DNAH5: variants seen among roughly 807,000 people sequenced by gnomAD.
DNAH5 encodes dynein axonemal heavy chain 5.
In DNAH5, 372 loss-of-function variants were observed where a neutral mutation model predicts 518.2. That is an observed-to-expected ratio of 0.72 (90% CI 0.66 to 0.78). DNAH5 has a LOEUF of 0.78. Among genes scored for constraint, DNAH5 ranks in the 30% least tolerant of loss-of-function variants. The probability of loss-of-function intolerance (pLI) is 0.00; values close to 1 mark genes in which losing one functional copy is unlikely to be tolerated. For missense variants in DNAH5, 5,523 were observed against 5,687.0 expected, an observed-to-expected ratio of 0.97 and a Z score of 0.93; for synonymous variants, 2,039 against 2,025.9, an observed-to-expected ratio of 1.01 and a Z score of -0.17.
chr5:13,793,641 T>G lies in DNAH5; in HGVS notation c.8098A>C (p.Ile2700Leu). 1 of 1,614,198 alleles carries G rather than the reference T, an allele frequency of 6.2e-7. No homozygotes were observed. Among genetic ancestry groups the G allele is most frequent in the Non-Finnish European group, 8.5e-7 (1 of 1,180,028 alleles). ...TGGATCATGGCTGCCAAAAACTGGA[T>G]GTCCACGATGCTGGTGAACTCCCCA... ...KPGEFTSIVD[I>L]QFLAAMIHPG... Residue 2700 changes from isoleucine (I) to leucine (L), a missense_variant, in exon 49 of 79, where the codon ATC becomes CTC. By Grantham distance (5) the Ile-to-Leu change is conservative. Transcript: ENST00000265104.
At chr5:13,932,813 A>G (rs1004481696) in intron 1 of DNAH5, among the ~76,000 whole-genome samples, 3 of 152,234 alleles carry the variant, frequency 2.0e-5, no homozygotes, top group African/African-American at 4.8e-5. Flanking sequence ...CAACACAATC[A>G]TAAGTTCAGC....
Position 13,752,278 on chromosome 5 carries a change from T to C in DNAH5, c.10884A>G (p.Leu3628=). 6.2e-7 allele frequency: 1 copy of C among 1,614,054 alleles called. No individual in the cohort carries two copies. Among genetic ancestry groups the C allele is most frequent in the Non-Finnish European group, 8.5e-7 (1 of 1,179,926 alleles). ...GGTGGTTTCTGAAGTACTTGTGATT[T>C]AAAGACGTGATCTAGGAACAGGATC... ...ESRNELQITS[L]NHKYFRNHLE... is the part of the protein sequence containing the mutation. Residue 3628 remains leucine, a synonymous_variant, in exon 64 of 79, where the codon TTA becomes TTG. Coordinates refer to ENST00000265104, the MANE Select transcript of DNAH5 (RefSeq NM_001369.3).
At chr5:13,820,841 A>AAAAAG (rs1198738015) in intron 40 of DNAH5, among the ~76,000 whole-genome samples, 1,462 of 137,550 alleles carry the variant, frequency 0.011, 63 homozygotes, top group African/African-American at 0.032. Flanking sequence ...AAAAAAAAAA[A>AAAAAG]AAACACATCA....
chr5:14,006,036 A>G (rs1784702565), intron 1 of DNAH5, among the ~76,000 whole-genome samples: 1 of 130,734 alleles, frequency 7.6e-6, no homozygotes, highest in South Asian at 2.8e-4. Context: ...GCAGACCCAC[A>G]CCTTTTGTCT....
intron 15 of DNAH5, among the ~76,000 whole-genome samples, chr5:13,895,358 T>C (rs151139544): frequency 6.6e-6 from 1 of 152,280 alleles, no homozygotes; most frequent in African/African-American, 2.4e-5. Context: ...AGACTAACAG[T>C]GTCTCACCTC....
At chr5:13,951,509 C>A (rs1358214820) in intron 1 of DNAH5, among the ~76,000 whole-genome samples, 3 of 152,276 alleles carry the variant, frequency 2.0e-5, no homozygotes, top group South Asian at 4.1e-4. Context: ...CGTGAGCCAC[C>A]ATGCCTGGCC....
In DNAH5 at chr5:13,829,573, G is replaced by A. The variant is rs767344710; in HGVS notation, c.6381C>T (p.Asn2127=). 1.5e-5 allele frequency: 24 copies of A among 1,613,964 alleles called. No individual in the cohort carries two copies. Among genetic ancestry groups the A allele is most frequent in the South Asian group, 3.3e-5 (3 of 91,090 alleles). ...TGAAAAACTTCCTGGCCAAAACAAC[G>A]TTGTCAATGAAGCCACAACTAGCCA... The part of the protein sequence containing the change: ...VKLASCGFID[N]VVLARKFFTL... The change falls in exon 38 of 79, where the codon AAC becomes AAT. Residue 2127 remains asparagine, a synonymous_variant. Transcript: ENST00000265104.
At position 13,996,984 on chromosome 5, in the gene DNAH5, C is replaced by T. The variant is rs564689326; in HGVS notation, c.12+14664G>A. Among the ~76,000 whole-genome samples, 14 of 152,340 alleles carry T rather than the reference C, an allele frequency of 9.2e-5. No individual in the cohort carries two copies. In the South Asian group the frequency reaches 2.9e-3, roughly 32 times the overall value. On this transcript the variant is annotated intron_variant, in intron 1 of 78. Coordinates refer to the DNAH5 transcript ENST00000681290. ...GCAGTTCTCTGCCCAGACTCCAACA[C>T]TCTCCAGGGCATCCTTTGAAATCTA...
intron 47 of DNAH5, among the ~76,000 whole-genome samples, chr5:13,806,887 G>T (rs1759692997): frequency 6.6e-6 from 1 of 152,042 alleles, no homozygotes; most frequent in African/African-American, 2.4e-5. Context: ...CATATCTAAG[G>T]GTCTAAGATT....
rs1744033223 is a variant in DNAH5, at chr5:13,714,532, A to G, written c.12998T>C (p.Leu4333Pro). The G allele has an allele frequency of 6.2e-7, 1 of 1,614,064 alleles. No individual in the cohort carries two copies. Among genetic ancestry groups the G allele is most frequent in the African/African-American group, 1.3e-5 (1 of 74,932 alleles). ...TYQSKLAKDVLDTILGIQPKD... is the reference protein window; with the variant it reads ...TYQSKLAKDVPDTILGIQPKD... ...GGGTTGGATGCCTAGGATGGTGTCC[A>G]GCACGTCCTTGGCCAGCTTGCTCTG... Residue 4333 changes from leucine (L) to proline (P), a missense_variant, in exon 75 of 79, where the codon CTG becomes CCG. Coordinates refer to ENST00000265104, the MANE Select transcript of DNAH5 (RefSeq NM_001369.3).
chr5:13,870,922 T>G lies in DNAH5; in HGVS notation c.3679A>C (p.Ser1227Arg). Residue 1227 changes from serine (S) to arginine (R), a missense_variant, in exon 24 of 79, where the codon AGT becomes CGT. Around this residue, in one of 3 missense-constraint regions of DNAH5, gnomAD observed 5,121 missense variants for 5,223.3 expected, o/e 0.98. Coordinates refer to ENST00000265104, the MANE Select transcript of DNAH5 (RefSeq NM_001369.3). ...AGCATAAAAATGTTTTCCATCTCAC[T>G]CCGGTATTTTTTGTTACAGTGGCGT... ...IGRHCNKKYR[S>R]EMENIFMLIE... 6.2e-7 allele frequency: 1 copy of G among 1,613,860 alleles called. No homozygotes were observed. Among genetic ancestry groups the G allele is most frequent in the Non-Finnish European group, 8.5e-7 (1 of 1,179,848 alleles).
chr5:13,961,891 T>C (rs1781211661), intron 1 of DNAH5, among the ~76,000 whole-genome samples: 2 of 150,148 alleles, frequency 1.3e-5, no homozygotes, highest in African/African-American at 4.9e-5. Context: ...TAGAACTCAA[T>C]CACTAACGCT....
chr5:13,890,114 G>A (rs1403775990), intron 17 of DNAH5, among the ~76,000 whole-genome samples: 1 of 152,116 alleles, frequency 6.6e-6, no homozygotes, highest in Non-Finnish European at 1.5e-5. Flanking sequence ...GCTACGAAAA[G>A]TTAAATGAAG....
intron 56 of DNAH5, 108 bp from the exon 57 acceptor site, chr5:13,769,723 T>C (rs1290415318): frequency 2.1e-6 from 2 of 966,690 alleles, no homozygotes; most frequent in Admixed American, 3.5e-5. Flanking sequence ...GAAGATTGCA[T>C]GTATGCAAGT....
chr5:13,780,737 A>G lies in DNAH5; in HGVS notation c.8951+92T>C, dbSNP rs537726464. ...AGAAGGAAAATGACTGTGACTCTTT[A>G]TATGTAAGAGAAATGCATTTGAACT... On this transcript the variant is annotated intron_variant, in intron 53 of 78. Transcript: ENST00000265104. 2.2e-6 allele frequency: 3 copies of G among 1,384,346 alleles called. No homozygotes were observed. In the East Asian group the frequency reaches 6.9e-5, roughly 32 times the overall value. 85.8% of individuals were successfully genotyped at this position (1,384,346 alleles called of 1,614,324 possible).
chr5:13,722,098 A>G (rs888811334), intron 70 of DNAH5, among the ~76,000 whole-genome samples: 4 of 152,100 alleles, frequency 2.6e-5, no homozygotes, highest in African/African-American at 9.7e-5. Flanking sequence ...TTTTCACATA[A>G]CTTAGGCGTG....
rs765398316 is a variant in DNAH5 at position 13,841,843 on chromosome 5, G to C, written c.5333C>G (p.Pro1778Arg). The stretch of plus-strand genomic sequence containing the variant: ...TTCCACATTGCCCTCTGCCATGACA[G>C]GTTTATCCAATTCAATCGTCTCACC... Reference protein sequence around the residue: ...QEGETIELDKPVMAEGNVEVW... With the variant: ...QEGETIELDKRVMAEGNVEVW... The change falls in exon 33 of 79, where the codon CCT becomes CGT. Residue 1778 changes from proline to arginine, a missense_variant. Coordinates refer to ENST00000265104, the MANE Select transcript of DNAH5 (RefSeq NM_001369.3). 2.5e-6 allele frequency: 4 copies of C among 1,603,592 alleles called. No homozygotes were observed. Among genetic ancestry groups the C allele is most frequent in the East Asian group, 4.6e-5 (2 of 43,798 alleles).
intron 1 of DNAH5, among the ~76,000 whole-genome samples, chr5:13,991,418 T>C (rs1010536960): frequency 2.6e-5 from 4 of 151,296 alleles, no homozygotes; most frequent in Non-Finnish European, 5.9e-5. Context: ...AATGCCTGCT[T>C]GTCAGACAGA....
intron 1 of DNAH5, among the ~76,000 whole-genome samples, chr5:13,996,776 T>G (rs760716664): frequency 1.3e-5 from 2 of 152,250 alleles, no homozygotes; most frequent in Non-Finnish European, 2.9e-5. Context: ...GTCTTGTGCC[T>G]GCAGCCCTCT....
Sources: allele counts gnomAD v4.1 joint callset (sites outside exome capture counted in the v4.1 genomes callset), GRCh38; gene constraint gnomAD v4.1.1; regional missense constraint gnomAD v4.1.1; transcripts MANE v1.5; gene names NCBI Gene and HGNC (gene_info 2026-07-23, HGNC 2026-07-21).